Variants in GMFG observed in about 807,000 individuals in gnomAD.
GMFG encodes glia maturation factor gamma.
A neutral mutation model predicts 26.1 loss-of-function variants in GMFG; 21 were observed. The observed-to-expected ratio is 0.80, with a 90% CI of 0.57 to 1.16. The LOEUF is 1.16. GMFG is among the 50% of genes most tolerant of loss of function. The probability of loss-of-function intolerance (pLI) is 0.00; values close to 1 mark genes in which losing one functional copy is unlikely to be tolerated. For synonymous variants in GMFG, 65 were observed against 60.8 expected (o/e 1.07, Z -0.32); for missense variants, 161 against 178.3 (o/e 0.90, Z 0.55).
chr19:39,331,026 C>G (rs1002499201), intron 4 of GMFG, among the ~76,000 whole-genome samples: 5 of 152,198 alleles, frequency 3.3e-5, no homozygotes, highest in African/African-American at 1.2e-4. Context: ...GTGTGAGCCA[C>G]TGCGCTCAGC....
At chr19:39,328,895 A>G in intron 6 of GMFG, 105 bp downstream of exon 6, 1 of 889,268 alleles carries the variant, frequency 1.1e-6, no homozygotes, top group Non-Finnish European at 1.9e-6. Flanking sequence ...AACAAAAACA[A>G]AAACAAAAAC....
intron 6 of GMFG, 149 bp from the exon 7 acceptor site, chr19:39,328,697 G>A: frequency 1.6e-6 from 1 of 644,148 alleles, no homozygotes; most frequent in Non-Finnish European, 2.8e-6. Flanking sequence ...TGGCCAATAT[G>A]GTGAAACCCT....
intron 3 of GMFG, among the ~76,000 whole-genome samples, chr19:39,333,475 G>A (rs1464764609): frequency 6.6e-6 from 1 of 151,670 alleles, no homozygotes; most frequent in Non-Finnish European, 1.5e-5. Flanking sequence ...GCGTGTTCAG[G>A]AGGCTGAGGC....
chr19:39,335,784 G>A (rs970987270), intron 1 of GMFG, among the ~76,000 whole-genome samples, 190 bp downstream of exon 1: 28 of 152,144 alleles, frequency 1.8e-4, no homozygotes, highest in African/African-American at 6.0e-4. Flanking sequence ...AGGAGGTGCA[G>A]AGATCCACTT....
intron 6 of GMFG, chr19:39,328,763 C>T: frequency 1.6e-6 from 1 of 609,746 alleles, no homozygotes; most frequent in African/African-American, 1.8e-5. Flanking sequence ...CCTGTCGTCC[C>T]ACTACTTGGG....
intron 3 of GMFG, 135 bp from the exon 4 acceptor site, chr19:39,333,261 C>T: frequency 6.9e-6 from 3 of 436,520 alleles, no homozygotes; most frequent in South Asian, 6.6e-5. Context: ...TCCTGGCTAA[C>T]AGGGTGAAAC....
At chr19:39,328,632 A>G in intron 6 of GMFG, 84 bp from the exon 7 acceptor site, 1 of 971,310 alleles carries the variant, frequency 1.0e-6, no homozygotes, top group Non-Finnish European at 1.7e-6. Context: ...GTAAGAGAGC[A>G]CTTTGGGAGG....
intron 1 of GMFG, 35 bp downstream of exon 1, chr19:39,335,939 C>T: frequency 6.9e-7 from 1 of 1,453,210 alleles, no homozygotes; most frequent in African/African-American, 1.4e-5. Flanking sequence ...CCAACCCCAG[C>T]CCCAGCTCTT....
At chr19:39,329,211 T>G in intron 5 of GMFG, 138 bp from the exon 6 acceptor site, 1 of 627,840 alleles carries the variant, frequency 1.6e-6, no homozygotes, top group Non-Finnish European at 2.8e-6. Flanking sequence ...CTGTACTCAG[T>G]TTCTAGGTTG....
At chr19:39,332,532 CAA>C (rs200680238) in intron 4 of GMFG, among the ~76,000 whole-genome samples, 14 of 57,360 alleles carry the variant, frequency 2.4e-4, no homozygotes, top group Non-Finnish European at 2.4e-4. Flanking sequence ...AAAGTTTGTA[CAA>C]AAAAAAAAAA....
chr19:39,335,296 C>A lies in GMFG; in HGVS notation c.115G>T (p.Asp39Tyr), dbSNP rs757956102. 3.8e-6 allele frequency: 6 copies of A among 1,567,470 alleles called. No homozygotes were observed. The highest frequency in any genetic ancestry group is 5.2e-6 in the Non-Finnish European group (6 of 1,155,040). ...TCCTCCAGCACCACCATCTGCCGGT[C>A]TTTGTCCACCTTCACTGGGGAGGGG... is the stretch of plus-strand genomic sequence containing the variant. Reference protein sequence around the residue: ...NAAIIMKVDKDRQMVVLEEEF... With the variant: ...NAAIIMKVDKYRQMVVLEEEF... The change falls in exon 3 of 7, where the codon GAC becomes TAC. Residue 39 changes from aspartate (D) to tyrosine (Y), a missense_variant. Asp to Tyr is a radical substitution (Grantham distance 160). Transcript: ENST00000597595.
chr19:39,335,796 C>T (rs572302259), intron 1 of GMFG, among the ~76,000 whole-genome samples, 178 bp downstream of exon 1: 2 of 152,154 alleles, frequency 1.3e-5, no homozygotes, highest in Non-Finnish European at 2.9e-5. Flanking sequence ...GATCCACTTC[C>T]TGAGCCTAAA....
At chr19:39,334,416 C>G (rs905025586) in intron 3 of GMFG, among the ~76,000 whole-genome samples, 1 of 151,958 alleles carries the variant, frequency 6.6e-6, no homozygotes, top group African/African-American at 2.4e-5. Flanking sequence ...CACAGGTGCA[C>G]ACCACTGTGC....
intron 5 of GMFG, 151 bp downstream of exon 5, chr19:39,329,393 G>A (rs2075217079): frequency 9.2e-6 from 6 of 652,802 alleles, no homozygotes; most frequent in Middle Eastern, 2.6e-4. Flanking sequence ...CACATCATGC[G>A]TGCGACACAC....
chr19:39,333,873 C>T (rs1354844532), intron 3 of GMFG, among the ~76,000 whole-genome samples: 1 of 152,106 alleles, frequency 6.6e-6, no homozygotes, highest in Non-Finnish European at 1.5e-5. Context: ...GAGCCCCAGC[C>T]CCCAGTCTCC....
chr19:39,333,971 A>C (rs916419544), intron 3 of GMFG, among the ~76,000 whole-genome samples: 3 of 146,312 alleles, frequency 2.1e-5, no homozygotes, highest in East Asian at 2.0e-4. Context: ...TGAGGCCACC[A>C]GGGGGGTGAG....
intron 4 of GMFG, 42 bp downstream of exon 4, chr19:39,333,035 T>A: frequency 7.3e-7 from 1 of 1,372,526 alleles, no homozygotes; most frequent in East Asian, 2.5e-5. Context: ...ACATCACCCC[T>A]CCCCTCATGG....
chr19:39,335,869 C>T (rs966485153), intron 1 of GMFG, 105 bp downstream of exon 1: 25 of 812,970 alleles, frequency 3.1e-5, no homozygotes, highest in Non-Finnish European at 4.0e-5. Flanking sequence ...GCCCCCTTCC[C>T]GGCCCGTGAC....
chr19:39,328,807 G>C (rs2075214080), intron 6 of GMFG, 193 bp downstream of exon 6: 1 of 620,770 alleles, frequency 1.6e-6, no homozygotes, highest in Admixed American at 2.7e-5. Context: ...GAACCCAGGA[G>C]GAGGAGGTTG....
Sources: allele counts gnomAD v4.1 joint callset (sites outside exome capture counted in the v4.1 genomes callset), GRCh38; gene constraint gnomAD v4.1.1; transcripts MANE v1.5; gene names NCBI Gene and HGNC (gene_info 2026-07-23, HGNC 2026-07-21).